ADAMTS19: variants seen among roughly 807,000 people sequenced by gnomAD.
ADAMTS19 encodes A disintegrin and metalloproteinase with thrombospondin motifs 19.
Under a neutral mutation model 153.3 loss-of-function variants are expected in ADAMTS19, and 93 were observed. The ratio of observed to expected loss-of-function variants is 0.61; its 90% CI spans 0.51 to 0.72. ADAMTS19 has a LOEUF of 0.72. Ranked by LOEUF, ADAMTS19 falls within the 30% of genes least tolerant of loss-of-function variation. The pLI is 0.00. For synonymous variants in ADAMTS19, 600 were observed against 556.6 expected (o/e 1.08, Z -1.10); for missense variants, 1,482 against 1,552.1 (o/e 0.95, Z 0.76).
intron 7 of ADAMTS19, among the ~76,000 whole-genome samples, chr5:129,557,563 C>T (rs1753358556): frequency 6.6e-6 from 1 of 152,110 alleles, no homozygotes; most frequent in Non-Finnish European, 1.5e-5. Flanking sequence ...GGTGGCACTG[C>T]ACTCCAGCCT....
At chr5:129,735,268 G>C (rs570917666) in intron 22 of ADAMTS19, among the ~76,000 whole-genome samples, 159 bp downstream of exon 22, 1 of 150,418 alleles carries the variant, frequency 6.6e-6, no homozygotes, top group Non-Finnish European at 1.5e-5. Context: ...TCGTCCAAAT[G>C]GTCAGGTGGG....
intron 7 of ADAMTS19, among the ~76,000 whole-genome samples, chr5:129,594,597 G>C (rs1377167192): frequency 6.6e-6 from 1 of 151,548 alleles, no homozygotes; most frequent in African/African-American, 2.4e-5. Context: ...CTTTCTTCCT[G>C]CCTTCTTCCA....
At chr5:129,676,543 C>T (rs190730724) in intron 16 of ADAMTS19, among the ~76,000 whole-genome samples, 1 of 152,076 alleles carries the variant, frequency 6.6e-6, no homozygotes, top group East Asian at 2.0e-4. Flanking sequence ...AGCAGAAAGC[C>T]AAGCAGTTTT....
intron 21 of ADAMTS19, among the ~76,000 whole-genome samples, chr5:129,724,090 G>A (rs1757112000): frequency 1.3e-5 from 2 of 152,174 alleles, no homozygotes; most frequent in Admixed American, 1.3e-4. Flanking sequence ...GATTGTAAAT[G>A]TTTCTTATCA....
intron 2 of ADAMTS19, among the ~76,000 whole-genome samples, chr5:129,485,928 T>C (rs1251195048): frequency 6.6e-6 from 1 of 152,018 alleles, no homozygotes; most frequent in African/African-American, 2.4e-5. Flanking sequence ...GTAGCTGGGA[T>C]TACAGACGCC....
intron 8 of ADAMTS19, among the ~76,000 whole-genome samples, chr5:129,620,098 A>C (rs1266325361): frequency 6.6e-6 from 1 of 152,038 alleles, no homozygotes; most frequent in Non-Finnish European, 1.5e-5. Flanking sequence ...GATTCATTAA[A>C]AAAAGACAAA....
intron 9 of ADAMTS19, among the ~76,000 whole-genome samples, chr5:129,621,979 T>C (rs1751796033): frequency 6.6e-6 from 1 of 152,230 alleles, no homozygotes; most frequent in South Asian, 2.1e-4. Flanking sequence ...ATGTGTTTTG[T>C]ACACCATAAA....
chr5:129,736,847 GC>G (rs1443703887), intron 22 of ADAMTS19, among the ~76,000 whole-genome samples: 1 of 151,838 alleles, frequency 6.6e-6, no homozygotes, highest in Non-Finnish European at 1.5e-5. Flanking sequence ...TCTTTAATAG[GC>G]CTAAAAACAT....
At chr5:129,617,237 T>G (rs2126969344) in intron 8 of ADAMTS19, among the ~76,000 whole-genome samples, 1 of 152,148 alleles carries the variant, frequency 6.6e-6, no homozygotes, top group East Asian at 1.9e-4. Flanking sequence ...CTGTTATGAG[T>G]TAAATGGCTT....
chr5:129,643,320 C>G (rs1320351129), intron 11 of ADAMTS19, among the ~76,000 whole-genome samples: 1 of 145,904 alleles, frequency 6.9e-6, no homozygotes, highest in African/African-American at 2.6e-5. Flanking sequence ...CGAGACTGCA[C>G]CACTGCACTC....
intron 2 of ADAMTS19, among the ~76,000 whole-genome samples, chr5:129,495,022 A>G (rs1262975069): frequency 2.0e-5 from 3 of 152,106 alleles, no homozygotes; most frequent in Non-Finnish European, 4.4e-5. Context: ...GGGAAGTTGT[A>G]TAGGGTCCAC....
At chr5:129,610,969 A>G (rs1462418678) in intron 8 of ADAMTS19, among the ~76,000 whole-genome samples, 9 of 152,116 alleles carry the variant, frequency 5.9e-5, no homozygotes, top group Non-Finnish European at 1.2e-4. Context: ...CTGACTTTTT[A>G]ATGATCGCCA....
At chr5:129,708,231 G>C (rs1240602494) in intron 21 of ADAMTS19, among the ~76,000 whole-genome samples, 3 of 152,126 alleles carry the variant, frequency 2.0e-5, no homozygotes, top group Non-Finnish European at 4.4e-5. Context: ...AAATGTTCAC[G>C]TTTATTTCAT....
In ADAMTS19 at chr5:129,608,550, G is replaced by C. The variant is rs1751040019; in HGVS notation, c.1478+11886G>C. ...ATTAAATTTGGCACTCATTTGCATT[G>C]ATGTGCAGTAGTATATCTGCTCTAA... is the stretch of plus-strand genomic sequence containing the variant. On this transcript the variant is annotated intron_variant, in intron 8 of 22. Transcript: ENST00000274487. 3.9e-5 allele frequency among the ~76,000 whole-genome samples: 6 copies of C among 152,234 alleles called. No individual in the cohort carries two copies. In the South Asian group the frequency reaches 1.2e-3, roughly 32 times the overall value.
rs145647680 is a variant in ADAMTS19 at position 129,467,681 on chromosome 5, G to A, written c.747+5924G>A. Among the ~76,000 whole-genome samples the A allele has an allele frequency of 1.4e-3, 212 of 152,160 alleles. 1 individual carries two copies. Among genetic ancestry groups the A allele is most frequent in the African/African-American group, 3.7e-3 (155 of 41,516 alleles). Reference sequence around the variant, plus strand: ...CTGAGGAAGAGTCATTTAAAATCCTGGATTATATGGTCACACAAAACACCA... The same window carrying A: ...CTGAGGAAGAGTCATTTAAAATCCTAGATTATATGGTCACACAAAACACCA... On this transcript the variant is annotated intron_variant, in intron 2 of 22. Coordinates refer to ENST00000274487, the MANE Select transcript of ADAMTS19 (RefSeq NM_133638.6).
At chr5:129,552,261 T>G (rs544430132) in intron 7 of ADAMTS19, among the ~76,000 whole-genome samples, 3 of 151,942 alleles carry the variant, frequency 2.0e-5, no homozygotes, top group African/African-American at 7.2e-5. Flanking sequence ...GATAACAGAT[T>G]ATTTTTTGAG....
At chr5:129,491,791 G>A (rs2126691525) in intron 2 of ADAMTS19, among the ~76,000 whole-genome samples, 1 of 152,042 alleles carries the variant, frequency 6.6e-6, no homozygotes, top group South Asian at 2.1e-4. Flanking sequence ...TAATACTTTT[G>A]TATTGCTGAG....
At chr5:129,671,134 T>C (rs1754282220) in intron 16 of ADAMTS19, among the ~76,000 whole-genome samples, 1 of 152,178 alleles carries the variant, frequency 6.6e-6, no homozygotes, top group South Asian at 2.1e-4. Context: ...TCACCTCGGA[T>C]GAATCAGAGG....
In ADAMTS19 at chr5:129,596,631, T is replaced by C; in HGVS notation, c.1445T>C (p.Leu482Pro). ...ATTGCTGAAGACAATGGCTTGAATCTTGCTTTTACAATTGCTCATGAAATG... is the reference window on the plus strand; with the variant it reads ...ATTGCTGAAGACAATGGCTTGAATCCTGCTTTTACAATTGCTCATGAAATG... ...CIIAEDNGLN[L>P]AFTIAHEMGH... Residue 482 changes from leucine to proline, a missense_variant, in exon 8 of 23, where the codon CTT becomes CCT. Coordinates refer to ENST00000274487, the MANE Select transcript of ADAMTS19 (RefSeq NM_133638.6). 1 of 1,607,820 alleles carries C rather than the reference T, an allele frequency of 6.2e-7. No individual in the cohort carries two copies. Among genetic ancestry groups the C allele is most frequent in the East Asian group, 2.3e-5 (1 of 44,354 alleles).
Sources: gnomAD v4.1 joint callset for allele counts (sites outside exome capture counted in the v4.1 genomes callset) on GRCh38, gnomAD v4.1.1 for gene constraint, MANE v1.5 for transcripts, NCBI Gene and HGNC (gene_info 2026-07-23, HGNC 2026-07-21) for gene names.